Variants in MLXIP observed in about 807,000 individuals in gnomAD.
MLXIP encodes the protein MLX-interacting protein.
MLXIP carries 30 observed loss-of-function variants against 87.2 expected under a neutral mutation model. The ratio of observed to expected loss-of-function variants is 0.34; its 90% CI spans 0.26 to 0.47. The LOEUF (loss-of-function observed/expected upper bound fraction) is 0.47, where lower values mean the gene tolerates loss of function less well. Among genes scored for constraint, MLXIP ranks in the 20% least tolerant of loss-of-function variants. The probability of loss-of-function intolerance (pLI) is 1.00; values close to 1 mark genes in which losing one functional copy is unlikely to be tolerated. For synonymous variants in MLXIP, 530 were observed against 514.0 expected (o/e 1.03, Z -0.42); for missense variants, 1,002 against 1,240.1 (o/e 0.81, Z 2.88).
At position 122,138,214 on chromosome 12, in the gene MLXIP, C is replaced by T; in HGVS notation, c.2175C>T (p.Ile725=). Residue 725 remains isoleucine, a synonymous_variant, in exon 13 of 17, where the codon ATC becomes ATT. Transcript: ENST00000319080. ...AGCAGAACCGGCAGATGAAGCACAT[C>T]TCAGCTGAGCAGAAAAGGCGCTTCA... The part of the protein sequence containing the change: ...AALKNRQMKH[I]SAEQKRRFNI... The T allele has an allele frequency of 6.2e-7, 1 of 1,607,660 alleles. No individual in the cohort carries two copies. The highest frequency in any genetic ancestry group is 8.5e-7 in the Non-Finnish European group (1 of 1,177,202).
At chr12:122,094,093 TGGTGG>T (rs1952300882) in intron 1 of MLXIP, among the ~76,000 whole-genome samples, 1 of 141,384 alleles carries the variant, frequency 7.1e-6, no homozygotes. Flanking sequence ...TTGGTGTGTG[TGGTGG>T]TGTGTGTGTG....
chr12:122,134,489 C>G (rs186246183), intron 9 of MLXIP: 1 of 157,754 alleles, frequency 6.3e-6, no homozygotes, highest in Non-Finnish European at 1.4e-5. Flanking sequence ...GCCTCAGCCT[C>G]CCGAGTTAGC....
At chr12:122,118,882 A>G (rs1250510060) in intron 1 of MLXIP, among the ~76,000 whole-genome samples, 2 of 149,912 alleles carry the variant, frequency 1.3e-5, no homozygotes, top group Non-Finnish European at 3.0e-5. Context: ...TAAAAAACAC[A>G]TGGGCTGGGC....
At chr12:122,094,156 G>T (rs1952302759) in intron 1 of MLXIP, among the ~76,000 whole-genome samples, 1 of 142,564 alleles carries the variant, frequency 7.0e-6, no homozygotes. Context: ...GGATGTGTAT[G>T]TTTGCAGTGT....
In MLXIP at chr12:122,127,372, G is replaced by A. The variant is rs549160772; in HGVS notation, c.520+10G>A. The stretch of plus-strand genomic sequence containing the variant: ...GCCTGGTACATGCAGTGTAAGTGCC[G>A]CCCAGCCTGGGCGCCGGTGGTGGTC... On this transcript the variant is annotated intron_variant, in intron 2 of 16. Transcript: ENST00000319080. 57 of 1,589,452 alleles carry A rather than the reference G, an allele frequency of 3.6e-5. No individual in the cohort carries two copies. The highest frequency in any genetic ancestry group is 4.5e-5 in the Non-Finnish European group (53 of 1,165,154).
At chr12:122,084,816 G>A (rs1952142257) in intron 1 of MLXIP, among the ~76,000 whole-genome samples, 2 of 152,188 alleles carry the variant, frequency 1.3e-5, no homozygotes, top group African/African-American at 4.8e-5. Flanking sequence ...CCAAAGTGCT[G>A]AGGTTACAGG....
In MLXIP at chr12:122,146,610, T is replaced by C. The variant is rs1321504129; in HGVS notation, c.*4798T>C. ...GAACTCTTCACGTTGAATGTTGACT[T>C]TGTGTGTATGCGTGTGTGTGTGTGT... On this transcript the variant is annotated 3_prime_UTR_variant, in exon 17 of 17. Transcript: ENST00000319080. The C allele has an allele frequency of 7.4e-6, 1 of 135,538 alleles. No individual in the cohort carries two copies. The highest frequency in any genetic ancestry group is 1.6e-5 in the Non-Finnish European group (1 of 62,338). 8.4% of individuals were successfully genotyped at this position (135,538 alleles called of 1,614,324 possible).
At chr12:122,123,300 C>T (rs528398706) in intron 1 of MLXIP, among the ~76,000 whole-genome samples, 1 of 152,174 alleles carries the variant, frequency 6.6e-6, no homozygotes, top group Non-Finnish European at 1.5e-5. Context: ...GGGTGCAGGC[C>T]GTCGACCCTT....
In MLXIP at chr12:122,137,363, C is replaced by T. The variant is rs980534937; in HGVS notation, c.2033-106C>T. On this transcript the variant is annotated intron_variant, in intron 11 of 16. Coordinates refer to ENST00000319080, the MANE Select transcript of MLXIP (RefSeq NM_014938.6). This position sits in a 1 kb window ranked among gnomAD's most constrained non-coding sequence, Gnocchi z 4.1. ...GCAGTTGAAAGAACCAAGTGCAATA[C>T]GTGGCTAGCAGCGAGCACCTCATAA... The T allele has an allele frequency of 1.3e-4, 161 of 1,264,660 alleles. No homozygotes were observed. Among genetic ancestry groups the T allele is most frequent in the Non-Finnish European group, 1.4e-4 (131 of 934,650 alleles). The allele number at this position is 1,264,660 out of a possible 1,614,324, so 78.3% of individuals were successfully genotyped here.
chr12:122,108,145 G>A (rs1952549771), intron 1 of MLXIP, among the ~76,000 whole-genome samples: 1 of 151,968 alleles, frequency 6.6e-6, no homozygotes, highest in Non-Finnish European at 1.5e-5. Context: ...TGAGGCGGGT[G>A]AATCACGAGT....
chr12:122,083,338 A>T (rs917778477), intron 1 of MLXIP, among the ~76,000 whole-genome samples: 2 of 152,110 alleles, frequency 1.3e-5, no homozygotes, highest in African/African-American at 4.8e-5. Flanking sequence ...GACTTAAATT[A>T]GGGCTTGTAA....
intron 1 of MLXIP, among the ~76,000 whole-genome samples, chr12:122,094,574 G>A (rs1445367549): frequency 1.2e-3 from 178 of 144,894 alleles, no homozygotes; most frequent in African/African-American, 4.4e-3. Flanking sequence ...GTGTGTTGGT[G>A]TGTGGTGTGT....
At chr12:122,107,107 G>A (rs533010191) in intron 1 of MLXIP, among the ~76,000 whole-genome samples, 22 of 152,288 alleles carry the variant, frequency 1.4e-4, no homozygotes, top group African/African-American at 5.1e-4. Flanking sequence ...CCACTCTGTA[G>A]CTTGACTAAG....
intron 1 of MLXIP, among the ~76,000 whole-genome samples, chr12:122,104,503 A>G (rs895140911): frequency 6.7e-6 from 1 of 149,514 alleles, no homozygotes; most frequent in Non-Finnish European, 1.5e-5. Context: ...CGTTTTCTCC[A>G]TTCATGTGTT....
intron 1 of MLXIP, among the ~76,000 whole-genome samples, chr12:122,093,597 G>T (rs1471603652): frequency 9.2e-5 from 13 of 141,236 alleles, no homozygotes; most frequent in Admixed American, 5.6e-4. Context: ...GGTGTGTATG[G>T]TGTGTGTTTG....
At chr12:122,141,628 C>A in intron 16 of MLXIP, 63 bp from the exon 17 acceptor site, 1 of 1,586,900 alleles carries the variant, frequency 6.3e-7, no homozygotes, top group South Asian at 1.2e-5. Flanking sequence ...AGGTACAAAG[C>A]CGAGTGTGCG....
In MLXIP at chr12:122,147,196, C is replaced by T. The variant is rs564812530; in HGVS notation, c.*5384C>T. ...AGAAGAGTCTGGTTTGGCCAGAGGCCCCCTCCGGTCCACGTCACCCTGAGT... is the reference window on the plus strand; with the variant it reads ...AGAAGAGTCTGGTTTGGCCAGAGGCTCCCTCCGGTCCACGTCACCCTGAGT... On this transcript the variant is annotated 3_prime_UTR_variant, in exon 17 of 17. Transcript: ENST00000319080. The T allele has an allele frequency of 6.6e-6, 1 of 152,214 alleles. No individual in the cohort carries two copies. The highest frequency in any genetic ancestry group is 2.4e-5 in the African/African-American group (1 of 41,524). The allele number at this position is 152,214 out of a possible 1,614,324, so 9.4% of individuals were successfully genotyped here.
chr12:122,115,213 A>G (rs1319663720), intron 1 of MLXIP, among the ~76,000 whole-genome samples: 4 of 152,178 alleles, frequency 2.6e-5, no homozygotes, highest in Non-Finnish European at 4.4e-5. Flanking sequence ...AAACTACAAA[A>G]GCTTAAAAGA....
intron 1 of MLXIP, among the ~76,000 whole-genome samples, chr12:122,097,714 C>T: frequency 6.6e-6 from 1 of 152,118 alleles, no homozygotes; most frequent in Admixed American, 6.6e-5. Flanking sequence ...TGTGTTCTTG[C>T]TGAGAGTTCC....
Sources: gnomAD v4.1 joint callset for allele counts (sites outside exome capture counted in the v4.1 genomes callset) on GRCh38, gnomAD v4.1.1 for gene constraint, Gnocchi (gnomAD v3.1) non-coding constraint, MANE v1.5 for transcripts, NCBI Gene and HGNC (gene_info 2026-07-23, HGNC 2026-07-21) for gene names.